The following IMMP2L variants were observed in gnomAD, a reference collection of about 807,000 sequenced individuals.
The protein encoded by IMMP2L is mitochondrial inner membrane protease subunit 2.
IMMP2L carries 18 observed loss-of-function variants against 19.3 expected under a neutral mutation model. The observed-to-expected ratio is 0.93, with a 90% CI of 0.64 to 1.38. The LOEUF is 1.38. Ranked by LOEUF, IMMP2L falls within the 40% of genes most tolerant of loss-of-function variation. IMMP2L has a pLI of 0.00. For synonymous variants in IMMP2L, 76 were observed against 73.0 expected (o/e 1.04, Z -0.21); for missense variants, 233 against 218.2 (o/e 1.07, Z -0.43).
At chr7:110,775,390 G>GA (rs983524188) in intron 5 of IMMP2L, among the ~76,000 whole-genome samples, 1 of 151,816 alleles carries the variant, frequency 6.6e-6, no homozygotes, top group African/African-American at 2.4e-5. Flanking sequence ...ACCCGAAACA[G>GA]AAAAATTCTA....
chr7:111,451,750 TA>T (rs1839216724), intron 3 of IMMP2L, among the ~76,000 whole-genome samples: 1 of 137,204 alleles, frequency 7.3e-6, no homozygotes, highest in South Asian at 2.4e-4. Context: ...AACAAGAGAA[TA>T]AAGGAAAAAA....
chr7:111,435,232 A>G (rs1276958691), intron 3 of IMMP2L, among the ~76,000 whole-genome samples: 1 of 151,898 alleles, frequency 6.6e-6, no homozygotes, highest in African/African-American at 2.4e-5. Flanking sequence ...GCTTGAAATT[A>G]TATCTTTATC....
chr7:110,925,578 G>GATT, intron 4 of IMMP2L, among the ~76,000 whole-genome samples: 1 of 151,878 alleles, frequency 6.6e-6, no homozygotes, highest in Non-Finnish European at 1.5e-5. Context: ...TCATTAGGTA[G>GATT]GAAAAAACAC....
chr7:111,192,538 G>C (rs1044320285), intron 3 of IMMP2L, among the ~76,000 whole-genome samples: 3 of 152,020 alleles, frequency 2.0e-5, no homozygotes, highest in African/African-American at 7.3e-5. Context: ...ATAAAATTAA[G>C]TGAATTTGTT....
chr7:110,994,068 A>T (rs1341092034), intron 3 of IMMP2L, among the ~76,000 whole-genome samples: 1 of 151,216 alleles, frequency 6.6e-6, no homozygotes, highest in Non-Finnish European at 1.5e-5. Flanking sequence ...TGCCAGCATC[A>T]AGTTAATGTG....
intron 5 of IMMP2L, among the ~76,000 whole-genome samples, chr7:110,790,015 T>C (rs1012902140): frequency 4.0e-5 from 6 of 151,730 alleles, no homozygotes; most frequent in African/African-American, 1.5e-4. Context: ...CCTTATACAT[T>C]TGTTAATTTA....
chr7:111,298,431 T>C (rs1251640437), intron 3 of IMMP2L, among the ~76,000 whole-genome samples: 1 of 152,108 alleles, frequency 6.6e-6, no homozygotes, highest in Non-Finnish European at 1.5e-5. Flanking sequence ...AAAAATGCTA[T>C]GTAAGTATTT....
Position 111,029,977 on chromosome 7 carries a change from G to C in IMMP2L, c.240-66412C>G, listed in dbSNP as rs552208293. Among the ~76,000 whole-genome samples the C allele has an allele frequency of 3.3e-5, 5 of 152,252 alleles. No homozygotes were observed. In the South Asian group the frequency reaches 1.0e-3, roughly 32 times the overall value. Reference sequence around the variant, plus strand: ...CAGTCACTTAAATGAGACAGTGAGAGAATCACAAATCATAGAATCCCAAAA... The same window carrying C: ...CAGTCACTTAAATGAGACAGTGAGACAATCACAAATCATAGAATCCCAAAA... On this transcript the variant is annotated intron_variant, in intron 3 of 5. Transcript: ENST00000405709.
chr7:111,366,848 T>C (rs1312788604), intron 3 of IMMP2L, among the ~76,000 whole-genome samples: 1 of 151,610 alleles, frequency 6.6e-6, no homozygotes, highest in Non-Finnish European at 1.5e-5. Flanking sequence ...CACACGTATA[T>C]ATGTGGAGAG....
chr7:111,536,752 G>C (rs1042592097), intron 1 of IMMP2L, among the ~76,000 whole-genome samples: 1 of 152,044 alleles, frequency 6.6e-6, no homozygotes, highest in African/African-American at 2.4e-5. Context: ...ATTGAGATGA[G>C]TTAAAGCTTT....
At chr7:111,521,808 T>C (rs1846358123) in intron 1 of IMMP2L, among the ~76,000 whole-genome samples, 1 of 152,076 alleles carries the variant, frequency 6.6e-6, no homozygotes, top group Non-Finnish European at 1.5e-5. Context: ...TCTTCTACAG[T>C]AATAAAAGTT....
At chr7:110,719,537 CA>C (rs1402118321) in intron 5 of IMMP2L, among the ~76,000 whole-genome samples, 4 of 152,128 alleles carry the variant, frequency 2.6e-5, no homozygotes, top group Non-Finnish European at 4.4e-5. Flanking sequence ...ATGTACTTCT[CA>C]AAATATATCC....
At chr7:111,484,963 T>A (rs1391593223) in intron 3 of IMMP2L, among the ~76,000 whole-genome samples, 1 of 152,018 alleles carries the variant, frequency 6.6e-6, no homozygotes, top group Non-Finnish European at 1.5e-5. Context: ...AATTTTTGTA[T>A]TTTTTGTAGA....
intron 3 of IMMP2L, chr7:111,125,187 A>C (rs1801163212): frequency 3.5e-6 from 1 of 289,454 alleles, no homozygotes; most frequent in Admixed American, 4.9e-5. Context: ...GTTCAAGTGG[A>C]CAAAAACATT....
chr7:111,196,032 C>CGTTTT lies in IMMP2L; in HGVS notation c.240-232472_240-232468dup, dbSNP rs538288903. 8.9e-3 allele frequency among the ~76,000 whole-genome samples: 1,350 copies of CGTTTT among 152,040 alleles called. 23 individuals are homozygous for CGTTTT. The highest frequency in any genetic ancestry group is 0.031 in the African/African-American group (1,288 of 41,428). On this transcript the variant is annotated intron_variant, in intron 3 of 5. Coordinates refer to ENST00000405709, the MANE Select transcript of IMMP2L (RefSeq NM_032549.4). ...AGGTGGGGTATGCCACCACATCCAC[C>CGTTTT]GTTTTGTTTTGTTTTGTTTTTGATA...
At chr7:111,456,063 C>CTTT (rs1839647677) in intron 3 of IMMP2L, among the ~76,000 whole-genome samples, 1 of 150,690 alleles carries the variant, frequency 6.6e-6, no homozygotes, top group African/African-American at 2.4e-5. Context: ...TCATCATTTC[C>CTTT]TTAAATAGTA....
chr7:111,082,147 GGCACA>G (rs936988593), intron 3 of IMMP2L, among the ~76,000 whole-genome samples: 1 of 152,132 alleles, frequency 6.6e-6, no homozygotes, highest in African/African-American at 2.4e-5. Flanking sequence ...TTTGTTTATT[GGCACA>G]GGGATAGCAC....
chr7:111,502,378 T>A (rs1053852721), intron 2 of IMMP2L, among the ~76,000 whole-genome samples: 2 of 152,070 alleles, frequency 1.3e-5, no homozygotes, highest in Non-Finnish European at 2.9e-5. Flanking sequence ...ATGGGAGACT[T>A]TAACACCCCG....
chr7:111,378,366 A>G (rs893821458), intron 3 of IMMP2L, among the ~76,000 whole-genome samples: 1 of 152,020 alleles, frequency 6.6e-6, no homozygotes, highest in Non-Finnish European at 1.5e-5. Flanking sequence ...ACATTTTATA[A>G]TTGTCACAAA....
Sources: allele counts gnomAD v4.1 joint callset (sites outside exome capture counted in the v4.1 genomes callset), GRCh38; gene constraint gnomAD v4.1.1; transcripts MANE v1.5; gene names NCBI Gene and HGNC (gene_info 2026-07-23, HGNC 2026-07-21).